FMN1: variants seen among roughly 807,000 people sequenced by gnomAD.
FMN1 encodes formin-1.
A neutral mutation model predicts 132.4 loss-of-function variants in FMN1; 110 were observed. The ratio of observed to expected loss-of-function variants is 0.83; its 90% confidence interval spans 0.71 to 0.97. The LOEUF is 0.97. Among genes scored for constraint, FMN1 ranks in the 50% least tolerant of loss-of-function variants. The pLI is 0.00. For missense variants in FMN1, 1,792 were observed against 1,705.3 expected (o/e 1.05, Z -0.90); for synonymous variants, 722 against 651.7 (o/e 1.11, Z -1.64).
intron 17 of FMN1, among the ~76,000 whole-genome samples, chr15:32,806,165 G>A (rs937905871): frequency 2.0e-5 from 3 of 152,066 alleles, no homozygotes; most frequent in Admixed American, 1.3e-4. Flanking sequence ...TTAATTTAGG[G>A]CTACAATGAT....
At position 32,862,920 on chromosome 15, in the gene FMN1, C is replaced by T. The variant is rs977704222; in HGVS notation, c.3836-5813G>A. ...CTTACCCCACCCTTCCACAGTCCTG[C>T]GCCAGTTCTGCCTCTTCCTCACTTT... On this transcript the variant is annotated intron_variant, in intron 16 of 20. Transcript: ENST00000616417. Among the ~76,000 whole-genome samples, 15 of 152,330 alleles carry T rather than the reference C, an allele frequency of 9.8e-5. No individual in the cohort carries two copies. In the South Asian group the frequency reaches 1.0e-3, roughly 11 times the overall value.
chr15:33,095,464 C>T (rs1282397384), intron 4 of FMN1, among the ~76,000 whole-genome samples: 2 of 152,154 alleles, frequency 1.3e-5, no homozygotes, highest in Non-Finnish European at 2.9e-5. Context: ...GGTATGATTA[C>T]AACTCACTGT....
intron 12 of FMN1, among the ~76,000 whole-genome samples, chr15:32,903,804 G>C (rs181640000): frequency 2.5e-4 from 38 of 152,328 alleles, no homozygotes; most frequent in African/African-American, 8.2e-4. Context: ...GGGTAGGATA[G>C]AATTGCAAGG....
chr15:32,778,722 C>T (rs757715605), intron 19 of FMN1, among the ~76,000 whole-genome samples: 27 of 152,076 alleles, frequency 1.8e-4, no homozygotes, highest in Non-Finnish European at 3.5e-4. Context: ...TGTAGAATTA[C>T]ACAGTTGCTT....
At position 33,082,092 on chromosome 15, in the gene FMN1, A is replaced by AGT. The variant is rs1566899546; in HGVS notation, c.2043+6706_2043+6707insAC. On this transcript the variant is annotated intron_variant, in intron 5 of 20. Transcript: ENST00000616417. ...CGCTTTGTCACCCAGGCTGGAAAAC[A>AGT]ATGTGTGTGTGTGTGTGTGTGTGTG... 8.1e-3 allele frequency among the ~76,000 whole-genome samples: 712 copies of AGT among 87,968 alleles called. 3 individuals carry two copies. Among genetic ancestry groups the AGT allele is most frequent in the Non-Finnish European group, 0.011 (452 of 40,818 alleles). The allele number at this position is 87,968 out of a possible 152,430, so 57.7% of individuals were successfully genotyped here.
chr15:32,877,055 G>A (rs944027936), intron 16 of FMN1, among the ~76,000 whole-genome samples: 1 of 152,188 alleles, frequency 6.6e-6, no homozygotes, highest in African/African-American at 2.4e-5. Context: ...GGATGCCAAG[G>A]CAGGTGGATC....
intron 12 of FMN1, chr15:32,908,163 A>T (rs1377482214): frequency 4.7e-6 from 1 of 214,756 alleles, no homozygotes; most frequent in African/African-American, 2.3e-5. Flanking sequence ...AGAGAACCTT[A>T]AACAGAACAA....
intron 5 of FMN1, among the ~76,000 whole-genome samples, chr15:33,086,381 A>T (rs1206017166): frequency 1.9e-5 from 2 of 106,626 alleles, no homozygotes; most frequent in Non-Finnish European, 4.1e-5. Flanking sequence ...AAAATTTATC[A>T]AATTGTACAG....
chr15:33,103,099 TCTGTTGAATACAATAA>T (rs1393433364), intron 4 of FMN1, among the ~76,000 whole-genome samples: 1 of 152,132 alleles, frequency 6.6e-6, no homozygotes, highest in Non-Finnish European at 1.5e-5. Flanking sequence ...TATAATAATA[TCTGTTGAATACAATAA>T]TTGTTGAATA....
chr15:33,120,007 GATTATT>G (rs542616983), intron 4 of FMN1, among the ~76,000 whole-genome samples: 1 of 152,110 alleles, frequency 6.6e-6, no homozygotes, highest in Non-Finnish European at 1.5e-5. Flanking sequence ...CGATGGTAAG[GATTATT>G]ATTATCAATT....
chr15:33,124,457 C>T (rs1002984798), intron 4 of FMN1, among the ~76,000 whole-genome samples: 2 of 152,050 alleles, frequency 1.3e-5, no homozygotes, highest in South Asian at 4.2e-4. Context: ...TCAGCAGAGG[C>T]GGCAGCTGCA....
chr15:33,183,503 A>C (rs1026271549), intron 2 of FMN1, among the ~76,000 whole-genome samples: 2 of 152,174 alleles, frequency 1.3e-5, no homozygotes, highest in Non-Finnish European at 2.9e-5. Flanking sequence ...CTCAACATCG[A>C]ATTTCTATAG....
chr15:33,149,317 A>ACAAAACC (rs1326137603), intron 4 of FMN1, among the ~76,000 whole-genome samples: 2 of 152,176 alleles, frequency 1.3e-5, no homozygotes, highest in African/African-American at 4.8e-5. Flanking sequence ...AGAGCATTTT[A>ACAAAACC]TGTATTATTT....
At chr15:33,097,495 G>A (rs571455438) in intron 4 of FMN1, among the ~76,000 whole-genome samples, 5 of 152,098 alleles carry the variant, frequency 3.3e-5, no homozygotes, top group South Asian at 2.1e-4. Context: ...GTGATAAAAA[G>A]ACAATTATAA....
At chr15:32,835,304 T>C (rs1276935271) in intron 17 of FMN1, among the ~76,000 whole-genome samples, 1 of 152,200 alleles carries the variant, frequency 6.6e-6, no homozygotes, top group Non-Finnish European at 1.5e-5. Context: ...TTTATTATTT[T>C]TTCTAAATCG....
intron 17 of FMN1, among the ~76,000 whole-genome samples, chr15:32,809,486 T>C (rs2057798548): frequency 6.6e-6 from 1 of 152,162 alleles, no homozygotes; most frequent in Admixed American, 6.5e-5. Context: ...CCTCCTGCCA[T>C]CCCCATACTA....
intron 4 of FMN1, among the ~76,000 whole-genome samples, chr15:33,108,643 A>G (rs535316397): frequency 6.6e-6 from 1 of 151,992 alleles, no homozygotes; most frequent in South Asian, 2.1e-4. Context: ...TCCTCTCCCC[A>G]CTCTTAAGAA....
chr15:33,066,963 GC>G (rs1566884726), intron 5 of FMN1: 1 of 1,613,962 alleles, frequency 6.2e-7, no homozygotes, highest in Admixed American at 1.7e-5. Context: ...GTCAATTTGA[GC>G]AAAGCTAAGT....
chr15:33,149,099 G>A (rs1427402713), intron 4 of FMN1, among the ~76,000 whole-genome samples: 1 of 151,624 alleles, frequency 6.6e-6, no homozygotes, highest in East Asian at 1.9e-4. Context: ...ATAAAAATAT[G>A]TAAAGAGAAA....
Sources: allele counts gnomAD v4.1 joint callset (sites outside exome capture counted in the v4.1 genomes callset), GRCh38; gene constraint gnomAD v4.1.1; transcripts MANE v1.5; gene names NCBI Gene and HGNC (gene_info 2026-07-23, HGNC 2026-07-21).